Variants in ZNF804B observed in about 807,000 individuals in gnomAD.
The protein encoded by ZNF804B is zinc finger 804B.
Under a neutral mutation model 101.4 loss-of-function variants are expected in ZNF804B, and 80 were observed. That is an observed-to-expected ratio of 0.79 (90% CI 0.66 to 0.95). The LOEUF (loss-of-function observed/expected upper bound fraction) is 0.95. Among genes scored for constraint, ZNF804B ranks in the 40% least tolerant of loss-of-function variants. ZNF804B has a pLI of 0.00. For synonymous variants in ZNF804B, 622 were observed against 558.8 expected, an observed-to-expected ratio of 1.11 and a Z score of -1.59; for missense variants, 1,673 against 1,561.9, an observed-to-expected ratio of 1.07 and a Z score of -1.20.
chr7:88,964,387 C>T (rs1394708285), intron 1 of ZNF804B, among the ~76,000 whole-genome samples: 1 of 151,268 alleles, frequency 6.6e-6, no homozygotes, highest in Admixed American at 6.6e-5. Flanking sequence ...CATGGGTGAA[C>T]CTGGAAAACA....
At chr7:88,891,695 C>A (rs117761461) in intron 1 of ZNF804B, among the ~76,000 whole-genome samples, 1,744 of 149,138 alleles carry the variant, frequency 0.012, 20 homozygotes, top group Non-Finnish European at 0.019. Flanking sequence ...TTATTTCTTT[C>A]TCTCTACTAG....
Position 89,329,319 on chromosome 7 carries a change from G to C in ZNF804B, c.380+1845G>C, listed in dbSNP as rs550856810. 4.0e-5 allele frequency among the ~76,000 whole-genome samples: 6 copies of C among 151,706 alleles called. No homozygotes were observed. The South Asian group carries it at 1.2e-3, about 31-fold the overall frequency. On this transcript the variant is annotated intron_variant, in intron 3 of 3. Transcript: ENST00000333190. ...TGCCTCTTAGCCAATTGCTCTCTCT[G>C]CTTAAACAGACTCATGGTTGAAGGA...
chr7:89,335,783 C>T lies in ZNF804B; in HGVS notation c.2801C>T (p.Ala934Val). 1 of 1,613,954 alleles carries T rather than the reference C, an allele frequency of 6.2e-7. No individual in the cohort carries two copies. The highest frequency in any genetic ancestry group is 8.5e-7 in the Non-Finnish European group (1 of 1,179,942). Residue 934 changes from alanine to valine, a missense_variant, in exon 4 of 4, where the codon GCC (alanine) becomes GTC (valine). Transcript: ENST00000333190. ...AAAATCCTTTTAGAAAGAGTACAAG[C>T]CAAGAAATGTCAAGAACAATCAAGT... is the stretch of plus-strand genomic sequence containing the variant. ...TAKILLERVQ[A>V]KKCQEQSSNV...
intron 1 of ZNF804B, among the ~76,000 whole-genome samples, chr7:89,167,358 G>A (rs2116428256): frequency 6.6e-6 from 1 of 151,916 alleles, no homozygotes; most frequent in South Asian, 2.1e-4. Context: ...CAGGAGAATT[G>A]CTGGAACCCG....
chr7:89,215,902 A>AATAC (rs1376334761), intron 1 of ZNF804B, among the ~76,000 whole-genome samples: 2,381 of 149,786 alleles, frequency 0.016, 60 homozygotes, highest in African/African-American at 0.055. Flanking sequence ...TAAATAAATA[A>AATAC]ATAAATAAAT....
chr7:89,039,485 A>T (rs1326698252), intron 1 of ZNF804B, among the ~76,000 whole-genome samples: 6 of 151,906 alleles, frequency 3.9e-5, no homozygotes, highest in Non-Finnish European at 5.9e-5. Flanking sequence ...TGTTTTCATA[A>T]TTTTTTTAGA....
At chr7:88,793,948 A>G (rs1410597862) in intron 1 of ZNF804B, among the ~76,000 whole-genome samples, 3 of 152,082 alleles carry the variant, frequency 2.0e-5, no homozygotes, top group Non-Finnish European at 4.4e-5. Context: ...AGAGCTTATG[A>G]TAAACTTATT....
At chr7:89,332,622 T>A (rs928420275) in intron 3 of ZNF804B, among the ~76,000 whole-genome samples, 1 of 151,888 alleles carries the variant, frequency 6.6e-6, no homozygotes, top group Admixed American at 6.6e-5. Context: ...ATATTTTCAA[T>A]CTTCTGTATG....
chr7:89,192,248 T>G (rs1788467313), intron 1 of ZNF804B, among the ~76,000 whole-genome samples: 1 of 152,068 alleles, frequency 6.6e-6, no homozygotes, highest in Non-Finnish European at 1.5e-5. Flanking sequence ...TCTAATGCCT[T>G]TTTAAAATTC....
chr7:88,959,159 T>G (rs751426658), intron 1 of ZNF804B, among the ~76,000 whole-genome samples: 11 of 151,398 alleles, frequency 7.3e-5, no homozygotes, highest in Non-Finnish European at 1.6e-4. Context: ...CCCTTCAATT[T>G]GGTAAGATTC....
intron 1 of ZNF804B, among the ~76,000 whole-genome samples, chr7:88,863,152 A>G (rs1380718956): frequency 6.6e-6 from 1 of 152,098 alleles, no homozygotes; most frequent in Non-Finnish European, 1.5e-5. Context: ...AAATCCTGGA[A>G]TACATCCTAT....
intron 1 of ZNF804B, among the ~76,000 whole-genome samples, chr7:88,964,871 T>C (rs2116097762): frequency 6.6e-6 from 1 of 151,524 alleles, no homozygotes; most frequent in African/African-American, 2.4e-5. Flanking sequence ...AAGTCTTGCA[T>C]ACAGCAGAAA....
intron 1 of ZNF804B, among the ~76,000 whole-genome samples, chr7:88,804,541 T>C (rs1790656014): frequency 6.6e-6 from 1 of 152,094 alleles, no homozygotes; most frequent in South Asian, 2.1e-4. Flanking sequence ...CACTAAAGCT[T>C]TATGACTTAA....
At chr7:89,200,714 T>A (rs969013481) in intron 1 of ZNF804B, among the ~76,000 whole-genome samples, 1 of 152,058 alleles carries the variant, frequency 6.6e-6, no homozygotes, top group Non-Finnish European at 1.5e-5. Flanking sequence ...GAGGAAATCA[T>A]TTATGGTTTC....
At chr7:88,986,645 G>C (rs1015010044) in intron 1 of ZNF804B, among the ~76,000 whole-genome samples, 1 of 151,990 alleles carries the variant, frequency 6.6e-6, no homozygotes, top group Non-Finnish European at 1.5e-5. Context: ...CCTTTGTTTG[G>C]CGTGGCGCCT....
chr7:89,274,137 T>TTTTTATTTTATTTTA (rs201219183), intron 2 of ZNF804B, among the ~76,000 whole-genome samples: 1 of 145,492 alleles, frequency 6.9e-6, no homozygotes, highest in African/African-American at 2.5e-5. Flanking sequence ...TTTTTTTTTC[T>TTTTTATTTTATTTTA]TTTTATTTTA....
At chr7:89,156,092 T>C (rs1161211272) in intron 1 of ZNF804B, among the ~76,000 whole-genome samples, 1 of 92,908 alleles carries the variant, frequency 1.1e-5, no homozygotes, top group Non-Finnish European at 2.5e-5. Context: ...CTCTTTCCTT[T>C]CTTTCTTTCT....
intron 1 of ZNF804B, among the ~76,000 whole-genome samples, chr7:89,024,829 A>C (rs1788725159): frequency 6.6e-6 from 1 of 151,878 alleles, no homozygotes; most frequent in Non-Finnish European, 1.5e-5. Flanking sequence ...CGCATGTTAA[A>C]ATTTATGGAG....
chr7:89,221,291 G>A (rs987565825), intron 2 of ZNF804B, among the ~76,000 whole-genome samples: 2 of 151,902 alleles, frequency 1.3e-5, no homozygotes, highest in Non-Finnish European at 2.9e-5. Flanking sequence ...AAGCACCACC[G>A]CCTGTGGGAT....
Sources: gnomAD v4.1 joint callset for allele counts (sites outside exome capture counted in the v4.1 genomes callset) on GRCh38, gnomAD v4.1.1 for gene constraint, MANE v1.5 for transcripts, NCBI Gene and HGNC (gene_info 2026-07-23, HGNC 2026-07-21) for gene names.